Variants in FUT8 observed in about 807,000 individuals in gnomAD.
The protein encoded by FUT8 is fucosyltransferase 8.
In FUT8, 29 loss-of-function variants were observed where a neutral mutation model predicts 71.3. The observed-to-expected ratio is 0.41, with a 90% CI of 0.30 to 0.55. FUT8 has a LOEUF of 0.55. FUT8 is among the 20% of genes least tolerant of loss of function. The probability of loss-of-function intolerance (pLI) is 0.34; values close to 1 mark genes in which losing one functional copy is unlikely to be tolerated. For missense variants in FUT8, 544 were observed against 702.1 expected, an observed-to-expected ratio of 0.77 and a Z score of 2.55; for synonymous variants, 254 against 239.3, an observed-to-expected ratio of 1.06 and a Z score of -0.57.
chr14:65,719,125 T>A (rs959628110), intron 7 of FUT8, among the ~76,000 whole-genome samples: 1 of 152,192 alleles, frequency 6.6e-6, no homozygotes, highest in Non-Finnish European at 1.5e-5. Context: ...ATTATTTAGA[T>A]CTTATAGGCA....
rs34753196 is a variant in FUT8, at chr14:65,430,026, GTT to G, written c.-326+16822_-326+16823del. 1.0e-3 allele frequency among the ~76,000 whole-genome samples: 151 copies of G among 145,246 alleles called. 1 individual carries two copies. Among genetic ancestry groups the G allele is most frequent in the African/African-American group, 3.6e-3 (139 of 38,276 alleles). On this transcript the variant is annotated intron_variant, in intron 1 of 10. Coordinates refer to ENST00000673929, the MANE Select transcript of FUT8 (RefSeq NM_001371533.1). The stretch of plus-strand genomic sequence containing the variant: ...ATTGCAAGAATCTTTTTTTGTTTTT[GTT>G]TTTTTTTTTGAGACAGGGTATCACT...
intron 7 of FUT8, among the ~76,000 whole-genome samples, chr14:65,693,253 C>G (rs1265782424): frequency 1.3e-5 from 2 of 152,256 alleles, no homozygotes; most frequent in Non-Finnish European, 2.9e-5. Flanking sequence ...GTCTGCAATC[C>G]AGGCACCTCG....
chr14:65,682,840 G>A (rs1440126724), intron 7 of FUT8, among the ~76,000 whole-genome samples: 1 of 152,090 alleles, frequency 6.6e-6, no homozygotes, highest in Non-Finnish European at 1.5e-5. Flanking sequence ...TATTTTTCAA[G>A]TGAATCAAAA....
At chr14:65,614,756 C>G (rs1446441996) in intron 3 of FUT8, among the ~76,000 whole-genome samples, 1 of 152,186 alleles carries the variant, frequency 6.6e-6, no homozygotes, top group Non-Finnish European at 1.5e-5. Context: ...AATGGCTCAC[C>G]TAGATAATCC....
At chr14:65,412,033 G>C (rs761452449), upstream of FUT8, 20 of 456,562 alleles carry the variant, frequency 4.4e-5, no homozygotes, top group Admixed American at 4.0e-4. Flanking sequence ...CCCTCTCCCC[G>C]TGCTGTTCTC....
intron 2 of FUT8, chr14:65,458,287 A>G (rs2065924102): frequency 6.6e-6 from 1 of 152,220 alleles, no homozygotes; most frequent in African/African-American, 2.4e-5. Flanking sequence ...AGGTAGATTA[A>G]TAACGTCAAG....
the FUT8 span, among the ~76,000 whole-genome samples, chr14:65,367,446 A>C: frequency 6.6e-6 from 1 of 152,086 alleles, no homozygotes; most frequent in South Asian, 2.1e-4. Flanking sequence ...CTGAGCAACT[A>C]CCCTTATTTT....
intron 3 of FUT8, among the ~76,000 whole-genome samples, chr14:65,562,231 G>A (rs1288930485): frequency 1.3e-5 from 2 of 151,814 alleles, no homozygotes; most frequent in Non-Finnish European, 2.9e-5. Context: ...TTACAGTTAT[G>A]TATTTAAAAA....
chr14:65,402,631 A>C, the FUT8 span, among the ~76,000 whole-genome samples: 1 of 151,600 alleles, frequency 6.6e-6, no homozygotes, highest in African/African-American at 2.4e-5. Flanking sequence ...GCGCCACTGC[A>C]CTCCAGCCTG....
chr14:65,506,976 C>T (rs2066745963), intron 2 of FUT8, among the ~76,000 whole-genome samples: 2 of 152,152 alleles, frequency 1.3e-5, no homozygotes, highest in African/African-American at 4.8e-5. Context: ...TTTACAGACT[C>T]CCTGGAGGGT....
chr14:65,710,714 GCA>G (rs1350289855), intron 7 of FUT8, among the ~76,000 whole-genome samples: 1 of 152,076 alleles, frequency 6.6e-6, no homozygotes, highest in African/African-American at 2.4e-5. Flanking sequence ...ACCCTTTCTA[GCA>G]CAGTGTTCAC....
At chr14:65,397,378 G>A in the FUT8 span, among the ~76,000 whole-genome samples, 4 of 152,178 alleles carry the variant, frequency 2.6e-5, no homozygotes, top group African/African-American at 7.2e-5. This position sits in a 1 kb window ranked among gnomAD's most constrained non-coding sequence, Gnocchi z 4.2. Context: ...GAAATCTGGT[G>A]TACAGCAGGT....
intron 3 of FUT8, among the ~76,000 whole-genome samples, chr14:65,609,783 G>A (rs1888784298): frequency 6.6e-6 from 1 of 151,766 alleles, no homozygotes; most frequent in Non-Finnish European, 1.5e-5. Flanking sequence ...AATATCAGAT[G>A]GTGTTTGCCT....
intron 1 of FUT8, among the ~76,000 whole-genome samples, chr14:65,424,272 A>G (rs2065348387): frequency 6.6e-6 from 1 of 152,232 alleles, no homozygotes; most frequent in Admixed American, 6.5e-5. Flanking sequence ...GGTGGCTACA[A>G]AATTATTTCA....
chr14:65,673,353 A>G (rs1045204519), intron 7 of FUT8, among the ~76,000 whole-genome samples: 1 of 152,242 alleles, frequency 6.6e-6, no homozygotes, highest in African/African-American at 2.4e-5. Flanking sequence ...ATGCTGTACT[A>G]CATGAAGACA....
chr14:65,625,826 T>C (rs1174167729), intron 5 of FUT8, among the ~76,000 whole-genome samples: 1 of 152,240 alleles, frequency 6.6e-6, no homozygotes, highest in Non-Finnish European at 1.5e-5. Flanking sequence ...GGGGCTATTA[T>C]CACGTATTCT....
chr14:65,666,220 G>A (rs968255375), intron 6 of FUT8, among the ~76,000 whole-genome samples: 5 of 151,878 alleles, frequency 3.3e-5, no homozygotes, highest in East Asian at 3.9e-4. Context: ...ATGTACATAC[G>A]GTTTTCTTTG....
chr14:65,565,462 A>G (rs1004850252), intron 3 of FUT8, among the ~76,000 whole-genome samples: 3 of 151,890 alleles, frequency 2.0e-5, no homozygotes, highest in African/African-American at 4.8e-5. Context: ...CAAAGTCACT[A>G]TTAACCTTTG....
intron 6 of FUT8, among the ~76,000 whole-genome samples, chr14:65,659,909 T>C (rs1891877857): frequency 6.6e-6 from 1 of 152,162 alleles, no homozygotes; most frequent in African/African-American, 2.4e-5. Context: ...GTAAGCATGC[T>C]CTTTATAACC....
Sources: gnomAD v4.1 joint callset for allele counts (sites outside exome capture counted in the v4.1 genomes callset) on GRCh38, gnomAD v4.1.1 for gene constraint, Gnocchi (gnomAD v3.1) non-coding constraint, MANE v1.5 for transcripts, NCBI Gene and HGNC (gene_info 2026-07-23, HGNC 2026-07-21) for gene names.